KAZN: variants seen among roughly 807,000 people sequenced by gnomAD.
KAZN encodes kazrin.
Under a neutral mutation model 87.4 loss-of-function variants are expected in KAZN, and 40 were observed. That is an observed-to-expected ratio of 0.46 (90% CI 0.36 to 0.60). The LOEUF (loss-of-function observed/expected upper bound fraction) is 0.60, where lower values mean the gene tolerates loss of function less well. Ranked by LOEUF, KAZN falls within the 20% of genes least tolerant of loss-of-function variation. The pLI is 0.00. For missense variants in KAZN, 898 were observed against 1,073.9 expected, an observed-to-expected ratio of 0.84 and a Z score of 2.29; for synonymous variants, 466 against 458.3, an observed-to-expected ratio of 1.02 and a Z score of -0.22.
chr1:14,510,466 G>A (rs1670846760), intron 2 of KAZN, among the ~76,000 whole-genome samples: 1 of 151,922 alleles, frequency 6.6e-6, no homozygotes, highest in African/African-American at 2.4e-5. Flanking sequence ...AATATGCATG[G>A]GATATACTTT....
At chr1:13,910,301 G>A (rs1027561484) in intron 1 of KAZN, among the ~76,000 whole-genome samples, 4 of 152,102 alleles carry the variant, frequency 2.6e-5, no homozygotes, top group South Asian at 2.1e-4. Context: ...GAGGTCAGGA[G>A]ATCGAGACCA....
At chr1:14,391,841 C>T (rs2101092686) in intron 2 of KAZN, among the ~76,000 whole-genome samples, 1 of 152,194 alleles carries the variant, frequency 6.6e-6, no homozygotes, top group Middle Eastern at 3.4e-3. Flanking sequence ...AATTTTCTTG[C>T]TTCTAGAGGT....
At chr1:14,845,688 A>T (rs1648670859) in intron 1 of KAZN, among the ~76,000 whole-genome samples, 1 of 152,088 alleles carries the variant, frequency 6.6e-6, no homozygotes, top group Non-Finnish European at 1.5e-5. Flanking sequence ...TGTGTTCCTT[A>T]TGGTGGTAAT....
chr1:14,774,582 C>T (rs1303147380), intron 1 of KAZN, among the ~76,000 whole-genome samples: 3 of 152,022 alleles, frequency 2.0e-5, no homozygotes, highest in South Asian at 2.1e-4. Context: ...GCCATCCTCC[C>T]ATCTCAGCCT....
rs79454830 is a variant in KAZN at position 14,946,767 on chromosome 1, G to A, written c.227-13917G>A. Among the ~76,000 whole-genome samples, 406 of 152,204 alleles carry A rather than the reference G, an allele frequency of 2.7e-3. 3 individuals are homozygous for A. The highest frequency in any genetic ancestry group is 8.8e-3 in the African/African-American group (364 of 41,522). On this transcript the variant is annotated intron_variant, in intron 1 of 14. Coordinates refer to ENST00000376030, the MANE Select transcript of KAZN (RefSeq NM_201628.3). ...TTACTCATTTTGCTGCATTTAACCC[G>A]AGTTGAAATCTGATACTGGCTTAGC... is the stretch of plus-strand genomic sequence containing the variant.
In KAZN at chr1:15,048,555, G is replaced by A. The variant is rs188541567; in HGVS notation, c.726+4396G>A. Among the ~76,000 whole-genome samples, 670 of 151,854 alleles carry A rather than the reference G, an allele frequency of 4.4e-3. 3 individuals carry two copies. Among genetic ancestry groups the A allele is most frequent in the South Asian group, 0.032 (153 of 4,728 alleles). On this transcript the variant is annotated intron_variant, in intron 4 of 14. Coordinates refer to ENST00000376030, the MANE Select transcript of KAZN (RefSeq NM_201628.3). ...CCAGAGCCAGCGTTGATCCTTGGTT[G>A]TTGGTCCTGGGTCGTTGATCCTTGG...
chr1:14,072,792 C>T (rs959904399), intron 1 of KAZN, among the ~76,000 whole-genome samples: 12 of 152,100 alleles, frequency 7.9e-5, no homozygotes, highest in Non-Finnish European at 7.4e-5. Context: ...CTCCCTCCTG[C>T]GATGTGTAAG....
intron 2 of KAZN, among the ~76,000 whole-genome samples, chr1:14,489,963 C>T (rs534204982): frequency 1.3e-5 from 2 of 152,162 alleles, no homozygotes; most frequent in Admixed American, 1.3e-4. Flanking sequence ...ATTCCTTTGT[C>T]AAAGGTTGTG....
intron 2 of KAZN, among the ~76,000 whole-genome samples, chr1:14,549,613 CTTT>C (rs5772587): frequency 7.4e-6 from 1 of 135,192 alleles, no homozygotes; most frequent in Admixed American, 7.5e-5. Flanking sequence ...CAGGCAACCC[CTTT>C]TTTTTTTTTT....
intron 2 of KAZN, among the ~76,000 whole-genome samples, chr1:15,008,509 C>G (rs550649164): frequency 6.6e-6 from 1 of 152,194 alleles, no homozygotes; most frequent in Non-Finnish European, 1.5e-5. Context: ...CCGGGAATGC[C>G]CTGCCGGGTT....
At chr1:14,911,696 G>A (rs531677744) in intron 1 of KAZN, among the ~76,000 whole-genome samples, 1 of 152,162 alleles carries the variant, frequency 6.6e-6, no homozygotes, top group Non-Finnish European at 1.5e-5. Context: ...GGATGGCTCA[G>A]TGGGCAAGCC....
At chr1:14,988,888 C>G (rs1330006679) in intron 2 of KAZN, among the ~76,000 whole-genome samples, 2 of 152,230 alleles carry the variant, frequency 1.3e-5, no homozygotes, top group Non-Finnish European at 2.9e-5. Flanking sequence ...GCACGCTTAC[C>G]ACTGCATGCG....
chr1:14,642,226 C>A (rs925089465), intron 1 of KAZN, among the ~76,000 whole-genome samples: 2 of 152,062 alleles, frequency 1.3e-5, no homozygotes, highest in African/African-American at 4.8e-5. Flanking sequence ...GGTGAAACCC[C>A]GTCTCTACTA....
chr1:14,724,511 G>C (rs1452262359), intron 1 of KAZN, among the ~76,000 whole-genome samples: 1 of 152,122 alleles, frequency 6.6e-6, no homozygotes, highest in Admixed American at 6.5e-5. Flanking sequence ...ATGCCTCTGG[G>C]TCCTCGAATG....
At chr1:14,739,630 C>T (rs1055012994) in intron 1 of KAZN, among the ~76,000 whole-genome samples, 2 of 151,870 alleles carry the variant, frequency 1.3e-5, no homozygotes, top group African/African-American at 4.8e-5. Context: ...CAAGACGTTT[C>T]ACATGACGAG....
chr1:14,820,928 G>A lies in KAZN; in HGVS notation c.227-139756G>A, dbSNP rs751106685. 2.0e-5 allele frequency among the ~76,000 whole-genome samples: 3 copies of A among 152,274 alleles called. No individual in the cohort carries two copies. The highest frequency in any genetic ancestry group is 4.1e-4 in the South Asian group (2 of 4,828). On this transcript the variant is annotated intron_variant, in intron 1 of 14. Coordinates refer to ENST00000376030, the MANE Select transcript of KAZN (RefSeq NM_201628.3). This position sits in a 1 kb window ranked among gnomAD's most constrained non-coding sequence, Gnocchi z 4.1. Reference sequence around the variant, plus strand: ...AGGGCTCAGACGACATGACGGCACCGGGGATGGCAAGGGCTGGACGCAGCA... The same window carrying A: ...AGGGCTCAGACGACATGACGGCACCAGGGATGGCAAGGGCTGGACGCAGCA...
chr1:14,400,553 G>A (rs1663313787), intron 2 of KAZN, among the ~76,000 whole-genome samples: 1 of 152,188 alleles, frequency 6.6e-6, no homozygotes, highest in South Asian at 2.1e-4. Context: ...CCCACACTGA[G>A]CTGATATGGC....
chr1:15,080,757 C>T (rs1639961007), intron 8 of KAZN, among the ~76,000 whole-genome samples: 1 of 152,196 alleles, frequency 6.6e-6, no homozygotes, highest in African/African-American at 2.4e-5. Context: ...GGAGTGTTGA[C>T]AGTAGTTGGC....
chr1:14,193,014 G>T (rs1193448768), intron 2 of KAZN, among the ~76,000 whole-genome samples: 1 of 152,146 alleles, frequency 6.6e-6, no homozygotes, highest in South Asian at 2.1e-4. Flanking sequence ...ACCAGATGAA[G>T]GTGATTGGAT....
Sources: allele counts gnomAD v4.1 joint callset (sites outside exome capture counted in the v4.1 genomes callset), GRCh38; gene constraint gnomAD v4.1.1; non-coding constraint Gnocchi (gnomAD v3.1); transcripts MANE v1.5; gene names NCBI Gene and HGNC (gene_info 2026-07-23, HGNC 2026-07-21).